MBP: variants seen among roughly 807,000 people sequenced by gnomAD.
MBP encodes myelin basic protein.
A neutral mutation model predicts 35.8 loss-of-function variants in MBP; 16 were observed. That is an observed-to-expected ratio of 0.45 (90% CI 0.30 to 0.68). The LOEUF is 0.68. Ranked by LOEUF, MBP falls within the 30% of genes least tolerant of loss-of-function variation. The pLI is 0.08. For synonymous variants in MBP, 143 were observed against 159.6 expected, an observed-to-expected ratio of 0.90 and a Z score of 0.78; for missense variants, 380 against 404.7, an observed-to-expected ratio of 0.94 and a Z score of 0.52.
At chr18:77,108,495 G>C (rs955677940) in intron 1 of MBP, 1 of 152,198 alleles carries the variant, frequency 6.6e-6, no homozygotes, top group African/African-American at 2.4e-5. Context: ...CATCAGGACC[G>C]CTGAGACTTC....
At position 76,988,628 on chromosome 18, in the gene MBP, G is replaced by GT; in HGVS notation, c.718-102dup. The GT allele has an allele frequency of 6.6e-7, 1 of 1,525,842 alleles. No homozygotes were observed. The highest frequency in any genetic ancestry group is 2.3e-5 in the East Asian group (1 of 43,968). 94.5% of individuals were successfully genotyped at this position (1,525,842 alleles called of 1,614,324 possible). ...GTCAAAGCACAGTGGAGCTGAGGTG[G>GT]TAAAAACAGGTTCCACCCGGAGCTC... On this transcript the variant is annotated intron_variant, in intron 6 of 8. Coordinates refer to ENST00000355994, the MANE Select transcript of MBP (RefSeq NM_001025101.2). This position sits in a 1 kb window ranked among gnomAD's most constrained non-coding sequence, Gnocchi z 5.2.
chr18:77,099,097 T>A (rs1975894348), intron 2 of MBP, among the ~76,000 whole-genome samples: 1 of 152,126 alleles, frequency 6.6e-6, no homozygotes, highest in Non-Finnish European at 1.5e-5. Flanking sequence ...CCTGTAAGCA[T>A]CTCTCAGGGA....
chr18:77,030,796 C>T (rs189215720), intron 3 of MBP, among the ~76,000 whole-genome samples: 150 of 152,290 alleles, frequency 9.8e-4, no homozygotes, highest in Admixed American at 1.6e-3. Context: ...TTTTATCAGA[C>T]GGTATCTTCA....
Position 76,984,851 on chromosome 18 carries a change from G to T in MBP, c.794C>A (p.Ala265Glu), listed in dbSNP as rs371855321. The change falls in exon 8 of 9, where the codon GCG becomes GAG. Residue 265 changes from alanine to glutamate, a missense_variant. Ala to Glu is a moderately radical substitution (Grantham distance 107). Transcript: ENST00000355994. ...QRPGFGYGGR[A>E]SDYKSAHKGF... ...CTTGTGAGCCGATTTATAGTCGGAC[G>T]CTCTGCCTCCGTAGCCAAATCCTGG... 2.5e-6 allele frequency: 4 copies of T among 1,613,822 alleles called. No homozygotes were observed. Among genetic ancestry groups the T allele is most frequent in the East Asian group, 2.2e-5 (1 of 44,890 alleles).
intron 4 of MBP, among the ~76,000 whole-genome samples, chr18:76,995,776 T>C (rs1048011664): frequency 1.3e-5 from 2 of 152,100 alleles, no homozygotes; most frequent in Non-Finnish European, 2.9e-5. Context: ...GACCTGTGAG[T>C]AGACAAGTTC....
chr18:77,102,158 G>T lies in MBP; in HGVS notation c.51+3053C>A, dbSNP rs1386816204. ...GAGGTGGAGAAGGTGGCAGCAGGGT[G>T]GGAAGGAGGGGGCCCTCAGCAGCCT... On this transcript the variant is annotated intron_variant, in intron 2 of 8. Transcript: ENST00000355994. This position sits in a 1 kb window ranked among gnomAD's most constrained non-coding sequence, Gnocchi z 4.4. Among the ~76,000 whole-genome samples, 1 of 151,832 alleles carries T rather than the reference G, an allele frequency of 6.6e-6. No homozygotes were observed. Among genetic ancestry groups the T allele is most frequent in the Non-Finnish European group, 1.5e-5 (1 of 68,006 alleles).
chr18:77,080,989 C>T (rs1974875001), intron 2 of MBP, among the ~76,000 whole-genome samples: 1 of 152,052 alleles, frequency 6.6e-6, no homozygotes, highest in Admixed American at 6.6e-5. Flanking sequence ...AGCCAAGACA[C>T]TTTTTTTTAA....
At chr18:77,110,072 C>T (rs905041319) in intron 1 of MBP, 1 of 152,096 alleles carries the variant, frequency 6.6e-6, no homozygotes, top group Non-Finnish European at 1.5e-5. Context: ...CAGGAATAAC[C>T]CTGTAAGCTT....
At chr18:77,016,729 A>C in intron 4 of MBP, 103 bp downstream of exon 4, 1 of 1,503,084 alleles carries the variant, frequency 6.7e-7, no homozygotes, top group Non-Finnish European at 8.9e-7. Context: ...TTAGACAGCA[A>C]GAGGCTACGT....
intron 1 of MBP, among the ~76,000 whole-genome samples, chr18:77,128,514 G>A (rs1322167610): frequency 1.6e-5 from 2 of 123,996 alleles, no homozygotes; most frequent in Admixed American, 8.4e-5. Flanking sequence ...CTAAGCGCAC[G>A]TGCATACCAC....
At chr18:76,983,824 T>G (rs1396532342) in intron 8 of MBP, 3 of 152,326 alleles carry the variant, frequency 2.0e-5, no homozygotes, top group Non-Finnish European at 4.4e-5. Context: ...GGATCCCCGC[T>G]GCTGGGCAGA....
intron 7 of MBP, chr18:76,986,594 C>T (rs192021781): frequency 1.1e-3 from 1,126 of 985,560 alleles, no homozygotes; most frequent in Middle Eastern, 1.6e-3. Flanking sequence ...AGGTGAGGGA[C>T]GGGATGTGTG....
chr18:77,084,234 T>C (rs762884018), intron 2 of MBP, among the ~76,000 whole-genome samples: 4 of 152,052 alleles, frequency 2.6e-5, no homozygotes, highest in African/African-American at 4.8e-5. Flanking sequence ...GTGTAAATAA[T>C]GAGTACTGTG....
chr18:76,989,554 T>C lies in MBP; in HGVS notation c.681+402A>G, dbSNP rs1025279081. Among the ~76,000 whole-genome samples, 37 of 152,172 alleles carry C rather than the reference T, an allele frequency of 2.4e-4. No individual in the cohort carries two copies. Among genetic ancestry groups the C allele is most frequent in the African/African-American group, 8.7e-4 (36 of 41,440 alleles). On this transcript the variant is annotated intron_variant, in intron 5 of 8. Transcript: ENST00000355994. The surrounding 1 kb of genome is among the most constrained non-coding windows in gnomAD (Gnocchi z 4.0). Reference sequence around the variant, plus strand: ...ACAAGTGCGTGGTCTTCAGTCACCATGGCAGCCTCGACAGAGCGGTTTCGC... The same window carrying C: ...ACAAGTGCGTGGTCTTCAGTCACCACGGCAGCCTCGACAGAGCGGTTTCGC...
intron 7 of MBP, chr18:76,985,801 G>A (rs1969524068): frequency 2.0e-6 from 2 of 989,812 alleles, no homozygotes; most frequent in South Asian, 4.6e-5. Context: ...AGCCGTTCAT[G>A]GAGATGCCAC....
At chr18:77,098,168 C>CTTTTTTTTTTTTTTTTTTTTTTT (rs3214873) in intron 2 of MBP, among the ~76,000 whole-genome samples, 5 of 108,528 alleles carry the variant, frequency 4.6e-5, no homozygotes, top group East Asian at 3.2e-4. Flanking sequence ...CAAGGACTTC[C>CTTTTTTTTTTTTTTTTTTTTTTT]TTTTTTTTTT....
chr18:77,076,461 C>A (rs1378858244), intron 2 of MBP, among the ~76,000 whole-genome samples: 1 of 152,230 alleles, frequency 6.6e-6, no homozygotes, highest in East Asian at 1.9e-4. Flanking sequence ...TTGGGCCATG[C>A]CAAGGCCTCA....
chr18:76,999,166 T>G (rs1599511145), intron 4 of MBP, among the ~76,000 whole-genome samples: 2 of 149,212 alleles, frequency 1.3e-5, no homozygotes, highest in African/African-American at 2.5e-5. Context: ...CGGGAGGAGG[T>G]GAGGGGAGGA....
rs1437311187 is a variant in MBP, at chr18:77,029,076, T to C, written c.140-11808A>G. On this transcript the variant is annotated intron_variant, in intron 3 of 8. Coordinates refer to ENST00000355994, the MANE Select transcript of MBP (RefSeq NM_001025101.2). ...AAGGCAGGCGGCTGGGAGGTGGAGG[T>C]TGTAGCGAGCCGAGATCTCGCCACT... Among the ~76,000 whole-genome samples the C allele has an allele frequency of 2.0e-5, 2 of 98,354 alleles. 1 individual carries two copies. The highest frequency in any genetic ancestry group is 6.8e-4 in the South Asian group (2 of 2,952). 64.5% of individuals were successfully genotyped at this position (98,354 alleles called of 152,430 possible). A position where few individuals can be genotyped will look rare whatever the true frequency, so the allele number is the denominator to read the frequency against.
Sources: allele counts gnomAD v4.1 joint callset (sites outside exome capture counted in the v4.1 genomes callset), GRCh38; gene constraint gnomAD v4.1.1; non-coding constraint Gnocchi (gnomAD v3.1); transcripts MANE v1.5; gene names NCBI Gene and HGNC (gene_info 2026-07-23, HGNC 2026-07-21).